Variants in GABRB2 observed in about 807,000 individuals in gnomAD.
GABRB2 encodes the protein gamma-aminobutyric acid receptor subunit beta-2.
GABRB2 carries 16 observed loss-of-function variants against 54.7 expected under a neutral mutation model. The observed-to-expected ratio is 0.29, with a 90% CI of 0.20 to 0.44. The LOEUF is 0.44. GABRB2 is among the 20% of genes least tolerant of loss of function. The pLI is 1.00. For missense variants in GABRB2, 355 were observed against 644.0 expected (o/e 0.55, Z 4.86); for synonymous variants, 244 against 233.8 (o/e 1.04, Z -0.40).
intron 5 of GABRB2, among the ~76,000 whole-genome samples, chr5:161,395,971 G>A (rs984345038): frequency 1.2e-4 from 19 of 152,142 alleles, no homozygotes; most frequent in African/African-American, 4.6e-4. Context: ...AGGAAATAAT[G>A]TCAAGGAGAA....
At chr5:161,414,182 TG>T (rs1756596587) in intron 4 of GABRB2, among the ~76,000 whole-genome samples, 1 of 152,174 alleles carries the variant, frequency 6.6e-6, no homozygotes, top group Non-Finnish European at 1.5e-5. Flanking sequence ...ACAGAAACTT[TG>T]GAGCCAAAAT....
intron 4 of GABRB2, among the ~76,000 whole-genome samples, chr5:161,454,903 C>A (rs1757904089): frequency 6.6e-6 from 1 of 152,086 alleles, no homozygotes; most frequent in Admixed American, 6.6e-5. Flanking sequence ...AATCTGTTCC[C>A]AGAGCCCCTG....
rs1236064276 is a variant in GABRB2 at position 161,463,555 on chromosome 5, T to TATATATA, written c.238-3712_238-3711insTATATAT. The stretch of plus-strand genomic sequence containing the variant: ...ACAAGGTGATTCCAAATATTTTTAT[T>TATATATA]TATATATATATATATATATATATAT... On this transcript the variant is annotated intron_variant, in intron 3 of 9. Transcript: ENST00000393959. Among the ~76,000 whole-genome samples, 76 of 23,622 alleles carry TATATATA rather than the reference T, an allele frequency of 3.2e-3. 1 individual carries two copies. The highest frequency in any genetic ancestry group is 5.7e-3 in the East Asian group (2 of 348). The allele number at this position is 23,622 out of a possible 152,430, so 15.5% of individuals were successfully genotyped here.
At chr5:161,411,820 A>G (rs1350031600) in intron 4 of GABRB2, among the ~76,000 whole-genome samples, 6 of 151,958 alleles carry the variant, frequency 3.9e-5, no homozygotes, top group East Asian at 1.9e-4. Context: ...GAGTTTATAT[A>G]TATATATATA....
At chr5:161,476,426 T>C (rs1236632803) in intron 3 of GABRB2, among the ~76,000 whole-genome samples, 1 of 151,832 alleles carries the variant, frequency 6.6e-6, no homozygotes, top group Non-Finnish European at 1.5e-5. Context: ...GTATTTATTT[T>C]CAAAATAGAA....
rs1336255083 is a variant in GABRB2, at chr5:161,383,079, CAAGTA to C, written c.541+27891_541+27895del. On this transcript the variant is annotated intron_variant, in intron 5 of 9. Transcript: ENST00000393959. ...TCTTAATTTTAAAATACGTAATTGA[CAAGTA>C]AAGATTGCATATATTCAAGCTGTAC... Among the ~76,000 whole-genome samples, 13 of 152,234 alleles carry C rather than the reference CAAGTA, an allele frequency of 8.5e-5. No homozygotes were observed. The East Asian group carries it at 2.3e-3, about 27-fold the overall frequency.
At chr5:161,356,771 G>A (rs13187844) in intron 5 of GABRB2, among the ~76,000 whole-genome samples, 19,483 of 152,112 alleles carry the variant, frequency 0.13, 1,718 homozygotes, top group Non-Finnish European at 0.2. Context: ...ACACAGAGAG[G>A]CACTCTTTGT....
At chr5:161,438,328 C>T (rs1757368530) in intron 4 of GABRB2, among the ~76,000 whole-genome samples, 1 of 152,208 alleles carries the variant, frequency 6.6e-6, no homozygotes. Flanking sequence ...GCAAGAACCA[C>T]ATCATTACTG....
intron 4 of GABRB2, among the ~76,000 whole-genome samples, chr5:161,412,299 T>G (rs1261702981): frequency 6.6e-6 from 1 of 152,194 alleles, no homozygotes; most frequent in Non-Finnish European, 1.5e-5. Context: ...TCTGTTACAT[T>G]AAGGTTTGTG....
intron 9 of GABRB2, among the ~76,000 whole-genome samples, chr5:161,317,540 T>G (rs1758078944): frequency 6.6e-6 from 1 of 152,150 alleles, no homozygotes; most frequent in Admixed American, 6.5e-5. Flanking sequence ...CATGAAACAA[T>G]AAATTAACTA....
At chr5:161,351,855 C>A (rs1176706452) in intron 5 of GABRB2, among the ~76,000 whole-genome samples, 1 of 151,776 alleles carries the variant, frequency 6.6e-6, no homozygotes, top group Non-Finnish European at 1.5e-5. Flanking sequence ...AACTCAATAG[C>A]AAGAAAACAA....
intron 3 of GABRB2, among the ~76,000 whole-genome samples, chr5:161,516,676 C>T (rs1759960935): frequency 6.6e-6 from 1 of 152,050 alleles, no homozygotes; most frequent in Non-Finnish European, 1.5e-5. Flanking sequence ...GTTTATAAAT[C>T]AATGGATTTT....
intron 3 of GABRB2, among the ~76,000 whole-genome samples, chr5:161,479,307 C>G (rs1758686151): frequency 6.6e-6 from 1 of 151,882 alleles, no homozygotes; most frequent in Admixed American, 6.6e-5. Context: ...AGTGGAATAC[C>G]CTCCTTTGGC....
chr5:161,533,576 T>C (rs1005922030), intron 3 of GABRB2, among the ~76,000 whole-genome samples: 4 of 152,160 alleles, frequency 2.6e-5, no homozygotes, highest in Non-Finnish European at 5.9e-5. Flanking sequence ...TTGCATGTTA[T>C]TGTTATTGTT....
chr5:161,399,684 C>G (rs1220166707), intron 5 of GABRB2, among the ~76,000 whole-genome samples: 1 of 152,178 alleles, frequency 6.6e-6, no homozygotes, highest in East Asian at 1.9e-4. Context: ...TCTGTTGAAG[C>G]TAGTTTTATT....
chr5:161,326,441 C>T lies in GABRB2; in HGVS notation c.1118G>A (p.Arg373Gln), dbSNP rs202183786. The T allele has an allele frequency of 5.5e-5, 88 of 1,613,266 alleles. No individual in the cohort carries two copies. The highest frequency in any genetic ancestry group is 1.3e-4 in the Admixed American group (8 of 59,946). ...GTTTCCAGTAGGGTCCCACAAGGAT[C>T]GATATTGGGTCCCATTTTGTTTAAT... ...KDIKQNGTQY[R>Q]SLWDPTGNLS... is the part of the protein sequence containing the mutation. The change falls in exon 9 of 10, where the codon CGA becomes CAA. Residue 373 changes from arginine (R) to glutamine (Q), a missense_variant. Around this residue, in one of 6 missense-constraint regions of GABRB2, gnomAD observed 201 missense variants for 228.1 expected, o/e 0.88. Transcript: ENST00000393959.
intron 3 of GABRB2, among the ~76,000 whole-genome samples, chr5:161,491,761 T>C (rs1759097266): frequency 1.3e-5 from 2 of 151,640 alleles, no homozygotes; most frequent in Non-Finnish European, 3.0e-5. Context: ...TTACTGGAGA[T>C]TATGTCTTAG....
rs139445492 is a variant in GABRB2, at chr5:161,403,162, G to C, written c.541+7813C>G. Among the ~76,000 whole-genome samples, 6 of 152,220 alleles carry C rather than the reference G, an allele frequency of 3.9e-5. No individual in the cohort carries two copies. In the East Asian group the frequency reaches 7.7e-4, roughly 20 times the overall value. On this transcript the variant is annotated intron_variant, in intron 5 of 9. Transcript: ENST00000393959. ...CCCTTAACAAAGTGGGGGCTGCGTAGCTCCTAATTTAGATATTGGACTGAA... is the reference window on the plus strand; with the variant it reads ...CCCTTAACAAAGTGGGGGCTGCGTACCTCCTAATTTAGATATTGGACTGAA...
chr5:161,336,834 A>G, intron 5 of GABRB2, 65 bp from the exon 6 acceptor site: 1 of 1,505,742 alleles, frequency 6.6e-7, no homozygotes, highest in South Asian at 1.2e-5. Flanking sequence ...AAAACAGACA[A>G]AACAGAAAAA....
Sources: allele counts gnomAD v4.1 joint callset (sites outside exome capture counted in the v4.1 genomes callset), GRCh38; gene constraint gnomAD v4.1.1; regional missense constraint gnomAD v4.1.1; transcripts MANE v1.5; gene names NCBI Gene and HGNC (gene_info 2026-07-23, HGNC 2026-07-21).